The following CCDC6 variants were observed in gnomAD, a reference collection of about 807,000 sequenced individuals.
CCDC6 encodes the protein coiled-coil domain-containing protein 6.
A neutral mutation model predicts 56.6 loss-of-function variants in CCDC6; 20 were observed. The ratio of observed to expected loss-of-function variants is 0.35; its 90% CI spans 0.25 to 0.51. The LOEUF is 0.51. Among genes scored for constraint, CCDC6 ranks in the 20% least tolerant of loss-of-function variants. CCDC6 has a pLI of 0.95. For synonymous variants in CCDC6, 241 were observed against 234.4 expected (o/e 1.03, Z -0.26); for missense variants, 367 against 601.1 (o/e 0.61, Z 4.07).
chr10:59,806,876 G>T, intron 6 of CCDC6, 46 bp downstream of exon 6: 1 of 1,583,968 alleles, frequency 6.3e-7, no homozygotes, highest in South Asian at 1.1e-5. Context: ...TAGAACCTGG[G>T]TTTTATTTTT....
intron 3 of CCDC6, among the ~76,000 whole-genome samples, chr10:59,821,251 G>A (rs2070747794): frequency 1.3e-5 from 2 of 152,054 alleles, no homozygotes; most frequent in Non-Finnish European, 2.9e-5. Context: ...TTCATGAGGG[G>A]GCTATTAAAA....
chr10:59,887,346 C>A (rs1195615958), intron 1 of CCDC6, among the ~76,000 whole-genome samples: 11 of 152,026 alleles, frequency 7.2e-5, no homozygotes, highest in Admixed American at 5.2e-4. Flanking sequence ...TAGGAATTAT[C>A]CCCTCTGATA....
chr10:59,829,866 T>C (rs988927295), intron 3 of CCDC6, among the ~76,000 whole-genome samples: 2 of 152,206 alleles, frequency 1.3e-5, no homozygotes, highest in Non-Finnish European at 2.9e-5. Flanking sequence ...AACCACTGGG[T>C]TGTACCTTTT....
intron 7 of CCDC6, among the ~76,000 whole-genome samples, chr10:59,798,272 CT>C (rs1327259519): frequency 6.6e-6 from 1 of 152,240 alleles, no homozygotes; most frequent in Non-Finnish European, 1.5e-5. Context: ...CCACTTACTG[CT>C]TTTCTGAATT....
chr10:59,883,846 C>G (rs2071363992), intron 1 of CCDC6, among the ~76,000 whole-genome samples: 1 of 152,138 alleles, frequency 6.6e-6, no homozygotes, highest in Non-Finnish European at 1.5e-5. Context: ...GCAGTATAAA[C>G]TGGATAAAGT....
At chr10:59,820,452 A>G (rs186557176) in intron 3 of CCDC6, among the ~76,000 whole-genome samples, 3 of 152,366 alleles carry the variant, frequency 2.0e-5, no homozygotes, top group African/African-American at 7.2e-5. Flanking sequence ...GCAGTCCATT[A>G]TAACTACGAC....
intron 1 of CCDC6, among the ~76,000 whole-genome samples, chr10:59,899,701 G>C (rs747502493): frequency 1.3e-5 from 2 of 152,166 alleles, no homozygotes; most frequent in African/African-American, 4.8e-5. Context: ...CCAAAACCAA[G>C]GCAGCAAATC....
chr10:59,881,036 T>G (rs973485469), intron 1 of CCDC6, among the ~76,000 whole-genome samples: 2 of 151,746 alleles, frequency 1.3e-5, no homozygotes, highest in Admixed American at 1.3e-4. Context: ...ACTCCCTTTA[T>G]CTCCTCCTTC....
At chr10:59,838,940 G>A (rs2070911041) in intron 2 of CCDC6, among the ~76,000 whole-genome samples, 1 of 152,176 alleles carries the variant, frequency 6.6e-6, no homozygotes, top group African/African-American at 2.4e-5. Context: ...TTTAAGGGGT[G>A]AGAAGCACAT....
At chr10:59,887,405 T>G (rs2071390364) in intron 1 of CCDC6, among the ~76,000 whole-genome samples, 1 of 151,840 alleles carries the variant, frequency 6.6e-6, no homozygotes, top group South Asian at 2.1e-4. Flanking sequence ...CGGTGACATT[T>G]TGAGACAAAA....
chr10:59,869,429 GAA>G (rs71006295), intron 1 of CCDC6, among the ~76,000 whole-genome samples: 1,493 of 103,128 alleles, frequency 0.014, 55 homozygotes, highest in African/African-American at 0.05. Context: ...ACAGAAAAAA[GAA>G]AAAAAAAAAA....
chr10:59,794,368 C>T, intron 8 of CCDC6, 105 bp downstream of exon 8: 1 of 1,107,778 alleles, frequency 9.0e-7, no homozygotes, highest in Non-Finnish European at 1.3e-6. Context: ...ATGGAGGAGG[C>T]AGGAAGAAGG....
chr10:59,902,984 A>G (rs1201068313), intron 1 of CCDC6, among the ~76,000 whole-genome samples: 1 of 152,212 alleles, frequency 6.6e-6, no homozygotes, highest in Non-Finnish European at 1.5e-5. Flanking sequence ...ATGAAATACT[A>G]TTTAACTCTG....
At chr10:59,881,157 C>T (rs1318942936) in intron 1 of CCDC6, among the ~76,000 whole-genome samples, 1 of 152,156 alleles carries the variant, frequency 6.6e-6, no homozygotes, top group Non-Finnish European at 1.5e-5. Flanking sequence ...CAACCAATAT[C>T]TTGTCTACTG....
chr10:59,844,746 C>CAAAAAA (rs56232975), intron 2 of CCDC6, among the ~76,000 whole-genome samples: 1 of 124,534 alleles, frequency 8.0e-6, no homozygotes, highest in Admixed American at 8.6e-5. Context: ...AGACTATCTC[C>CAAAAAA]AAAAAAAAAA....
At chr10:59,857,942 T>C (rs2071093912) in intron 1 of CCDC6, among the ~76,000 whole-genome samples, 1 of 152,214 alleles carries the variant, frequency 6.6e-6, no homozygotes, top group Non-Finnish European at 1.5e-5. Context: ...CTGTTTAAAC[T>C]GTCCTTTCCT....
At chr10:59,811,137 A>G (rs1009189662) in intron 5 of CCDC6, among the ~76,000 whole-genome samples, 8 of 152,164 alleles carry the variant, frequency 5.3e-5, no homozygotes, top group Non-Finnish European at 8.8e-5. Context: ...TTAGAACTGT[A>G]AGATGGTTAA....
rs1251030338 is a variant in CCDC6 at position 59,789,290 on chromosome 10, C to A, written c.*3627G>T. On this transcript the variant is annotated 3_prime_UTR_variant, in exon 9 of 9. Coordinates refer to ENST00000263102, the MANE Select transcript of CCDC6 (RefSeq NM_005436.5). Reference sequence around the variant, plus strand: ...ATGCAGACACACACATGCACACACACAGCACCCATGCTATCAAGACACAGG... The same window carrying A: ...ATGCAGACACACACATGCACACACAAAGCACCCATGCTATCAAGACACAGG... 4.3e-6 allele frequency: 1 copy of A among 231,798 alleles called. No individual in the cohort carries two copies. The highest frequency in any genetic ancestry group is 2.2e-5 in the African/African-American group (1 of 45,230). The allele number at this position is 231,798 out of a possible 1,614,324, so 14.4% of individuals were successfully genotyped here.
chr10:59,834,389 A>G (rs540205263), intron 2 of CCDC6, among the ~76,000 whole-genome samples: 2 of 151,848 alleles, frequency 1.3e-5, no homozygotes, highest in East Asian at 3.9e-4. Flanking sequence ...AAACAAACAA[A>G]CAAACAAATA....
Sources: gnomAD v4.1 joint callset for allele counts (sites outside exome capture counted in the v4.1 genomes callset) on GRCh38, gnomAD v4.1.1 for gene constraint, MANE v1.5 for transcripts, NCBI Gene and HGNC (gene_info 2026-07-23, HGNC 2026-07-21) for gene names.